Variants in LMX1B observed in about 807,000 individuals in gnomAD.
LMX1B encodes the protein LIM homeobox transcription factor 1-beta.
In LMX1B, 12 loss-of-function variants were observed where a neutral mutation model predicts 51.4. The ratio of observed to expected loss-of-function variants is 0.23; its 90% CI spans 0.15 to 0.38. LMX1B has a LOEUF of 0.38. Ranked by LOEUF, LMX1B falls within the 10% of genes least tolerant of loss-of-function variation. LMX1B has a pLI of 1.00. For missense variants in LMX1B, 445 were observed against 571.1 expected, an observed-to-expected ratio of 0.78 and a Z score of 2.25; for synonymous variants, 237 against 235.4, an observed-to-expected ratio of 1.01 and a Z score of -0.06.
intron 2 of LMX1B, among the ~76,000 whole-genome samples, chr9:126,630,036 G>T (rs1219870691): frequency 6.6e-6 from 1 of 151,894 alleles, no homozygotes; most frequent in Non-Finnish European, 1.5e-5. Flanking sequence ...ACCTACTCGG[G>T]AGTAGCTCCC....
rs932828308 is a variant in LMX1B at position 126,652,299 on chromosome 9, G to GGA, written c.326+36731_326+36732insAG. ...CAGCAGGAGTCTGAGGAGGAGAAGG[G>GGA]GGGGGGGATTTTCTCTTTCTTCCCG... On this transcript the variant is annotated intron_variant, in intron 2 of 7. Coordinates refer to ENST00000373474, the MANE Select transcript of LMX1B (RefSeq NM_001174147.2). 2.3e-4 allele frequency among the ~76,000 whole-genome samples: 35 copies of GGA among 150,718 alleles called. 1 individual carries two copies. Among genetic ancestry groups the GGA allele is most frequent in the Admixed American group, 2.0e-3 (31 of 15,144 alleles).
chr9:126,652,387 T>C (rs887436982), intron 2 of LMX1B, among the ~76,000 whole-genome samples: 3 of 152,050 alleles, frequency 2.0e-5, no homozygotes, highest in Non-Finnish European at 4.4e-5. Flanking sequence ...CCTTATCAGC[T>C]GGGGGTTTGT....
At chr9:126,632,962 G>A (rs1022658685) in intron 2 of LMX1B, among the ~76,000 whole-genome samples, 4 of 152,202 alleles carry the variant, frequency 2.6e-5, no homozygotes, top group East Asian at 1.9e-4. Flanking sequence ...GCTGAGCCCC[G>A]CAGGCGAGCC....
At chr9:126,696,135 C>T (rs1173464226) in intron 7 of LMX1B, 132 bp downstream of exon 7, 3 of 1,159,756 alleles carry the variant, frequency 2.6e-6, no homozygotes, top group Admixed American at 1.8e-5. Context: ...GCCCTCCTGC[C>T]CCTGCTGACA....
rs1402281597 is a variant in LMX1B at position 126,618,071 on chromosome 9, T to C, written c.326+2502T>C. Among the ~76,000 whole-genome samples the C allele has an allele frequency of 2.0e-5, 3 of 152,178 alleles. No homozygotes were observed. The highest frequency in any genetic ancestry group is 2.9e-5 in the Non-Finnish European group (2 of 68,022). ...TCACATTTCTTTTTTTCTTTGAGAA[T>C]TGCAGATGCATATTTATTTCATCTG... On this transcript the variant is annotated intron_variant, in intron 2 of 7. Transcript: ENST00000373474. This position sits in a 1 kb window ranked among gnomAD's most constrained non-coding sequence, Gnocchi z 4.5.
intron 2 of LMX1B, among the ~76,000 whole-genome samples, chr9:126,663,878 G>A (rs544032104): frequency 1.3e-5 from 2 of 152,320 alleles, no homozygotes; most frequent in South Asian, 4.1e-4. Context: ...GGGGCAGCAG[G>A]CCAGGCTGTC....
chr9:126,627,218 G>A (rs1260638018), intron 2 of LMX1B, among the ~76,000 whole-genome samples: 2 of 152,084 alleles, frequency 1.3e-5, no homozygotes, highest in Non-Finnish European at 2.9e-5. Context: ...GGGTTACCCT[G>A]TCCCTGCCCT....
chr9:126,697,907 C>T lies in LMX1B; in HGVS notation c.*1456C>T, dbSNP rs1397940946. On this transcript the variant is annotated 3_prime_UTR_variant, in exon 8 of 8. Transcript: ENST00000373474. Reference sequence around the variant, plus strand: ...TTGTTTTGTTTGAGACGGAGTTTCGCTCTTGTTGCCCAGGCTGGAGTGCAA... The same window carrying T: ...TTGTTTTGTTTGAGACGGAGTTTCGTTCTTGTTGCCCAGGCTGGAGTGCAA... 6.4e-6 allele frequency: 1 copy of T among 156,970 alleles called. No homozygotes were observed. Among genetic ancestry groups the T allele is most frequent in the Non-Finnish European group, 1.4e-5 (1 of 72,360 alleles). 9.7% of individuals were successfully genotyped at this position (156,970 alleles called of 1,614,324 possible).
chr9:126,696,695 G>C lies in LMX1B; in HGVS notation c.*244G>C. ...ACCTTGTCATCCCCAGGGACCCAGAGCTCTCGGACGGCCACTCGCCTCCCA... is the reference window on the plus strand; with the variant it reads ...ACCTTGTCATCCCCAGGGACCCAGACCTCTCGGACGGCCACTCGCCTCCCA... On this transcript the variant is annotated 3_prime_UTR_variant, in exon 8 of 8. Transcript: ENST00000373474. 1 of 565,606 alleles carries C rather than the reference G, an allele frequency of 1.8e-6. No individual in the cohort carries two copies. Among genetic ancestry groups the C allele is most frequent in the South Asian group, 2.2e-5 (1 of 46,184 alleles). The allele number at this position is 565,606 out of a possible 1,614,324, so 35.0% of individuals were successfully genotyped here. A position where few individuals can be genotyped will look rare whatever the true frequency, so the allele number is the denominator to read the frequency against.
rs919566517 is a variant in LMX1B, at chr9:126,626,857, C to A, written c.326+11288C>A. On this transcript the variant is annotated intron_variant, in intron 2 of 7. Transcript: ENST00000373474. The surrounding 1 kb of genome is among the most constrained non-coding windows in gnomAD (Gnocchi z 4.3). ...CATCAAACGGCCCGCGGGAACCGGC[C>A]GAGTTCAGAGGGACAGTGGGCCGAA... Among the ~76,000 whole-genome samples, 3 of 152,082 alleles carry A rather than the reference C, an allele frequency of 2.0e-5. No homozygotes were observed. The highest frequency in any genetic ancestry group is 3.9e-4 in the East Asian group (2 of 5,152).
intron 2 of LMX1B, among the ~76,000 whole-genome samples, chr9:126,688,038 A>G (rs1210909813): frequency 6.6e-6 from 1 of 152,170 alleles, no homozygotes; most frequent in Middle Eastern, 3.2e-3. Context: ...TATTGGGTGG[A>G]GAGATGCTTG....
intron 2 of LMX1B, among the ~76,000 whole-genome samples, chr9:126,638,818 A>G (rs1283187045): frequency 6.6e-6 from 1 of 152,074 alleles, no homozygotes; most frequent in Non-Finnish European, 1.5e-5. Flanking sequence ...CTCCATTGAT[A>G]TTCCTCACAC....
intron 2 of LMX1B, among the ~76,000 whole-genome samples, chr9:126,656,437 A>G (rs933076366): frequency 1.4e-5 from 2 of 147,212 alleles, no homozygotes; most frequent in African/African-American, 5.0e-5. Context: ...ATAGATAGAT[A>G]GGATAGATAG....
At chr9:126,692,413 A>T (rs2030162892) in intron 3 of LMX1B, among the ~76,000 whole-genome samples, 1 of 152,206 alleles carries the variant, frequency 6.6e-6, no homozygotes, top group Admixed American at 6.5e-5. Flanking sequence ...TGAGACCCAA[A>T]CCTGGGGCGG....
intron 2 of LMX1B, among the ~76,000 whole-genome samples, chr9:126,645,836 G>A (rs1835890359): frequency 1.3e-5 from 2 of 152,178 alleles, no homozygotes; most frequent in South Asian, 4.1e-4. Context: ...TTTCCAGCAA[G>A]AGAGCTCTGG....
chr9:126,645,954 G>A (rs1296633016), intron 2 of LMX1B, among the ~76,000 whole-genome samples: 2 of 152,136 alleles, frequency 1.3e-5, no homozygotes, highest in Non-Finnish European at 2.9e-5. Flanking sequence ...GTGAGGGTAG[G>A]GCCTGCTCTG....
intron 2 of LMX1B, among the ~76,000 whole-genome samples, chr9:126,685,388 G>A (rs1350602341): frequency 6.6e-6 from 1 of 152,092 alleles, no homozygotes; most frequent in East Asian, 1.9e-4. Flanking sequence ...GACATTTTGG[G>A]GTACTCTTGG....
chr9:126,633,601 G>A (rs1413711736), intron 2 of LMX1B, among the ~76,000 whole-genome samples: 1 of 152,124 alleles, frequency 6.6e-6, no homozygotes, highest in Non-Finnish European at 1.5e-5. Flanking sequence ...GGATGGAAGG[G>A]CAAAATTAGT....
At chr9:126,632,808 C>T (rs1835655332) in intron 2 of LMX1B, among the ~76,000 whole-genome samples, 1 of 152,176 alleles carries the variant, frequency 6.6e-6, no homozygotes, top group South Asian at 2.1e-4. Context: ...TAGCTGGGTC[C>T]CTGGAAGAGC....
Sources: allele counts gnomAD v4.1 joint callset (sites outside exome capture counted in the v4.1 genomes callset), GRCh38; gene constraint gnomAD v4.1.1; non-coding constraint Gnocchi (gnomAD v3.1); transcripts MANE v1.5; gene names NCBI Gene and HGNC (gene_info 2026-07-23, HGNC 2026-07-21).